Variants in VPS35L observed in about 807,000 individuals in gnomAD.
VPS35L encodes VPS35 endosomal protein-sorting factor-like.
VPS35L carries 83 observed loss-of-function variants against 133.0 expected under a neutral mutation model. The ratio of observed to expected loss-of-function variants is 0.62; its 90% CI spans 0.52 to 0.75. The LOEUF is 0.75. Ranked by LOEUF, VPS35L falls within the 30% of genes least tolerant of loss-of-function variation. The probability of loss-of-function intolerance (pLI) is 0.00; values close to 1 mark genes in which losing one functional copy is unlikely to be tolerated. For missense variants in VPS35L, 1,083 were observed against 1,206.8 expected, an observed-to-expected ratio of 0.90 and a Z score of 1.52; for synonymous variants, 423 against 449.9, an observed-to-expected ratio of 0.94 and a Z score of 0.76.
chr16:19,563,331 A>G (rs569453960), intron 1 of VPS35L, among the ~76,000 whole-genome samples: 12 of 151,692 alleles, frequency 7.9e-5, no homozygotes, highest in South Asian at 4.2e-4. Flanking sequence ...AAAAAAAAAG[A>G]AAAGGAAAAA....
At chr16:19,681,752 C>T (rs957605468) in intron 27 of VPS35L, among the ~76,000 whole-genome samples, 1 of 152,160 alleles carries the variant, frequency 6.6e-6, no homozygotes, top group Non-Finnish European at 1.5e-5. Flanking sequence ...AAGAGTGAGG[C>T]TCTATTTAAA....
rs570992291 is a variant in VPS35L, at chr16:19,563,986, G to C, written c.18-865G>C. On this transcript the variant is annotated intron_variant, in intron 1 of 30. Transcript: ENST00000417362. ...ACAAATGCCCTCAGCGGGAAAGCTG[G>C]GCAAGGAGTGTTAGAGTCACCTTAG... 4.6e-5 allele frequency among the ~76,000 whole-genome samples: 7 copies of C among 152,322 alleles called. No homozygotes were observed. In the South Asian group the frequency reaches 6.2e-4, roughly 14 times the overall value.
intron 23 of VPS35L, among the ~76,000 whole-genome samples, chr16:19,645,339 G>A (rs1013886057): frequency 6.7e-6 from 1 of 150,288 alleles, no homozygotes; most frequent in African/African-American, 2.5e-5. Flanking sequence ...GCCCAGGCTG[G>A]AGTGCAGTGG....
chr16:19,658,188 G>A (rs1390128046), intron 26 of VPS35L, among the ~76,000 whole-genome samples: 6 of 152,020 alleles, frequency 3.9e-5, no homozygotes, highest in Non-Finnish European at 5.9e-5. Flanking sequence ...TTTTACATGC[G>A]GCCCACTGTG....
chr16:19,576,165 CAAAA>C (rs1220749191), intron 5 of VPS35L, among the ~76,000 whole-genome samples: 1 of 72,284 alleles, frequency 1.4e-5, no homozygotes, highest in Non-Finnish European at 2.7e-5. Flanking sequence ...GACTCTGTCT[CAAAA>C]AAAAAAAAAA....
At chr16:19,670,928 C>T (rs1707641487) in intron 27 of VPS35L, among the ~76,000 whole-genome samples, 2 of 152,112 alleles carry the variant, frequency 1.3e-5, no homozygotes, top group South Asian at 4.1e-4. Context: ...GACTTTGTCA[C>T]CAAAAGAAAT....
chr16:19,646,521 C>T (rs113172921), intron 23 of VPS35L, among the ~76,000 whole-genome samples: 32,036 of 151,844 alleles, frequency 0.21, 4,058 homozygotes, highest in Non-Finnish European at 0.28. Flanking sequence ...CAAAATTAGC[C>T]GGGTGTTGTG....
chr16:19,581,867 T>C (rs1264638927), intron 7 of VPS35L: 1 of 608,846 alleles, frequency 1.6e-6, no homozygotes, highest in Admixed American at 3.1e-5. Flanking sequence ...GCACAGGTTG[T>C]GCACTGCACA....
chr16:19,681,689 C>T (rs1975285072), intron 27 of VPS35L, among the ~76,000 whole-genome samples: 1 of 152,188 alleles, frequency 6.6e-6, no homozygotes, highest in Non-Finnish European at 1.5e-5. Flanking sequence ...TCAGGTTTTG[C>T]CTCTCCCAAG....
intron 27 of VPS35L, among the ~76,000 whole-genome samples, chr16:19,679,309 C>A (rs1181409572): frequency 6.6e-6 from 1 of 151,062 alleles, no homozygotes; most frequent in East Asian, 1.9e-4. Context: ...TTCTTTTTTT[C>A]TTTTTGTAAG....
At chr16:19,568,040 C>T (rs940758230) in intron 2 of VPS35L, among the ~76,000 whole-genome samples, 5 of 151,914 alleles carry the variant, frequency 3.3e-5, no homozygotes, top group African/African-American at 7.3e-5. Flanking sequence ...GTTCCCATGC[C>T]TCCCTCCCTC....
At chr16:19,609,078 A>G in intron 11 of VPS35L, 57 bp downstream of exon 11, 1 of 1,435,468 alleles carries the variant, frequency 7.0e-7, no homozygotes, top group Non-Finnish European at 9.8e-7. Context: ...TCCCATGTGT[A>G]CACAGATAGT....
intron 27 of VPS35L, among the ~76,000 whole-genome samples, chr16:19,672,738 T>A (rs1567475623): frequency 6.6e-6 from 1 of 152,154 alleles, no homozygotes; most frequent in Non-Finnish European, 1.5e-5. Flanking sequence ...TGTTTTCAGA[T>A]CTCCATATTA....
In VPS35L at chr16:19,687,854, T is replaced by G. The variant is rs1975517516; in HGVS notation, c.2528-3499T>G. Among the ~76,000 whole-genome samples the G allele has an allele frequency of 2.6e-5, 4 of 152,058 alleles. No homozygotes were observed. The South Asian group carries it at 8.3e-4, about 32-fold the overall frequency. Reference sequence around the variant, plus strand: ...ATGGCCGGGCGCGGTGGCTCATGCCTGTAATTCCAGCACTTTGGGAGGCCA... The same window carrying G: ...ATGGCCGGGCGCGGTGGCTCATGCCGGTAATTCCAGCACTTTGGGAGGCCA... On this transcript the variant is annotated intron_variant, in intron 28 of 30. Transcript: ENST00000417362.
intron 26 of VPS35L, among the ~76,000 whole-genome samples, chr16:19,656,800 A>G (rs1256225687): frequency 6.6e-6 from 1 of 152,060 alleles, no homozygotes; most frequent in Non-Finnish European, 1.5e-5. Flanking sequence ...TTTTATAGTT[A>G]GAAAGCCAGA....
chr16:19,693,911 T>C (rs919145000), intron 29 of VPS35L: 4 of 136,678 alleles, frequency 2.9e-5, no homozygotes, highest in Admixed American at 8.3e-5. Flanking sequence ...ATCATGCCAC[T>C]GCACTCCAGC....
chr16:19,676,920 G>A (rs1291939567), intron 27 of VPS35L, among the ~76,000 whole-genome samples: 1 of 152,112 alleles, frequency 6.6e-6, no homozygotes, highest in Non-Finnish European at 1.5e-5. Flanking sequence ...GATGACTACT[G>A]ATTAGTGCTG....
intron 16 of VPS35L, 104 bp from the exon 17 acceptor site, chr16:19,628,533 C>A: frequency 1.7e-6 from 1 of 597,258 alleles, no homozygotes. Context: ...AGATTAGCCC[C>A]AAGAAGGATT....
chr16:19,612,562 G>C (rs950235475), intron 12 of VPS35L, among the ~76,000 whole-genome samples: 3 of 152,048 alleles, frequency 2.0e-5, no homozygotes, highest in African/African-American at 7.2e-5. Flanking sequence ...CCTTGTTTAT[G>C]TATTTCTTCT....
Sources: gnomAD v4.1 joint callset for allele counts (sites outside exome capture counted in the v4.1 genomes callset) on GRCh38, gnomAD v4.1.1 for gene constraint, MANE v1.5 for transcripts, NCBI Gene and HGNC (gene_info 2026-07-23, HGNC 2026-07-21) for gene names.